PDE4D: variants seen among roughly 807,000 people sequenced by gnomAD.
PDE4D encodes the protein phosphodiesterase 4D, also known as 3',5'-cyclic-AMP phosphodiesterase 4D.
In PDE4D, 24 loss-of-function variants were observed where a neutral mutation model predicts 87.4. The observed-to-expected ratio is 0.27, with a 90% CI of 0.20 to 0.39. The LOEUF (loss-of-function observed/expected upper bound fraction) is 0.39, where lower values mean the gene tolerates loss of function less well. PDE4D is among the 10% of genes least tolerant of loss of function. PDE4D has a pLI of 1.00. For synonymous variants in PDE4D, 384 were observed against 383.2 expected (o/e 1.00, Z -0.02); for missense variants, 714 against 1,041.0 (o/e 0.69, Z 4.32).
chr5:60,242,754 G>A (rs954050312), intron 1 of PDE4D, among the ~76,000 whole-genome samples: 1 of 152,036 alleles, frequency 6.6e-6, no homozygotes, highest in Admixed American at 6.6e-5. Flanking sequence ...AAGAAATTAA[G>A]AGGGAAATTA....
chr5:59,801,512 A>T (rs1767124367), intron 1 of PDE4D, among the ~76,000 whole-genome samples: 1 of 152,174 alleles, frequency 6.6e-6, no homozygotes, highest in Admixed American at 6.5e-5. Context: ...AGATTAGTGA[A>T]GTTAGAAACA....
intron 5 of PDE4D, among the ~76,000 whole-genome samples, chr5:59,127,600 T>TCCCCCCCCCCCCCCCCCCCCCCC (rs1170462233): frequency 9.3e-5 from 9 of 96,998 alleles, no homozygotes; most frequent in Admixed American, 2.1e-4. Flanking sequence ...CTTCTTTCCC[T>TCCCCCCCCCCCCCCCCCCCCCCC]CCCCACCCCC....
intron 1 of PDE4D, among the ~76,000 whole-genome samples, chr5:59,403,187 A>AGATT (rs771463744): frequency 4.0e-5 from 6 of 150,756 alleles, no homozygotes; most frequent in African/African-American, 1.5e-4. Context: ...ATAGATAGAT[A>AGATT]GATTGATTGA....
chr5:59,697,253 T>C (rs1469862860), intron 1 of PDE4D, among the ~76,000 whole-genome samples: 1 of 152,192 alleles, frequency 6.6e-6, no homozygotes, highest in Non-Finnish European at 1.5e-5. Context: ...AGATAGTCCC[T>C]GAATTTATGT....
intron 1 of PDE4D, among the ~76,000 whole-genome samples, chr5:59,680,885 T>C (rs1427067529): frequency 6.6e-6 from 1 of 152,150 alleles, no homozygotes; most frequent in Non-Finnish European, 1.5e-5. Context: ...TGATGGATTA[T>C]CATTGTGAAA....
chr5:60,124,086 A>G (rs185206093), intron 2 of PDE4D, among the ~76,000 whole-genome samples: 213 of 152,310 alleles, frequency 1.4e-3, no homozygotes, highest in African/African-American at 4.4e-3. Flanking sequence ...ATGGGGTCTT[A>G]TATAAAGAAA....
chr5:59,192,894 C>A (rs535261080), intron 3 of PDE4D, among the ~76,000 whole-genome samples: 1 of 152,330 alleles, frequency 6.6e-6, no homozygotes, highest in South Asian at 2.1e-4. Context: ...CTAGGTTAAT[C>A]TAACGTGCAG....
chr5:59,728,126 T>G (rs1354407985), intron 1 of PDE4D, among the ~76,000 whole-genome samples: 2 of 152,104 alleles, frequency 1.3e-5, no homozygotes, highest in African/African-American at 4.8e-5. Flanking sequence ...TATCCCCATT[T>G]GATAGATGAG....
At chr5:59,481,051 G>A (rs534474830) in intron 1 of PDE4D, among the ~76,000 whole-genome samples, 1 of 152,190 alleles carries the variant, frequency 6.6e-6, no homozygotes, top group South Asian at 2.1e-4. Context: ...TCCTAACAAG[G>A]CCAAGGACAA....
chr5:59,101,709 CTTT>C (rs34308828), intron 5 of PDE4D, among the ~76,000 whole-genome samples: 1 of 145,406 alleles, frequency 6.9e-6, no homozygotes. Context: ...TAATAATCAA[CTTT>C]TTTTTTTTTT....
chr5:60,280,832 C>T (rs1407327040), intron 1 of PDE4D, among the ~76,000 whole-genome samples: 1 of 152,134 alleles, frequency 6.6e-6, no homozygotes, highest in African/African-American at 2.4e-5. Context: ...TATTAACTTA[C>T]TAATTAAAAA....
chr5:59,945,616 C>T (rs1349263608), intron 3 of PDE4D, among the ~76,000 whole-genome samples: 4 of 152,188 alleles, frequency 2.6e-5, no homozygotes, highest in African/African-American at 9.7e-5. Flanking sequence ...TATTGCTTTA[C>T]TCAATTGTTG....
chr5:59,179,441 G>T (rs1039314239), intron 5 of PDE4D, among the ~76,000 whole-genome samples: 12 of 152,132 alleles, frequency 7.9e-5, no homozygotes. Context: ...AACAAAACTG[G>T]TTAACCATAT....
chr5:59,358,107 G>C (rs1781669377), intron 1 of PDE4D, among the ~76,000 whole-genome samples: 1 of 152,150 alleles, frequency 6.6e-6, no homozygotes, highest in Admixed American at 6.5e-5. Context: ...TTCAATAAAA[G>C]CTCAAGACAT....
intron 3 of PDE4D, among the ~76,000 whole-genome samples, chr5:59,941,529 C>G (rs12651852): frequency 6.6e-6 from 1 of 152,088 alleles, no homozygotes; most frequent in Non-Finnish European, 1.5e-5. Context: ...TGAGCGCACT[C>G]TAAGGCTTGA....
chr5:59,816,240 C>T (rs1003831369), intron 1 of PDE4D, among the ~76,000 whole-genome samples: 3 of 152,206 alleles, frequency 2.0e-5, no homozygotes, highest in Non-Finnish European at 4.4e-5. Context: ...TTCAGGTGGA[C>T]TCCTTAATAA....
At chr5:59,606,810 T>C (rs540325308) in intron 1 of PDE4D, among the ~76,000 whole-genome samples, 1 of 152,272 alleles carries the variant, frequency 6.6e-6, no homozygotes, top group Admixed American at 6.5e-5. Context: ...AAGCACAGAA[T>C]AGTTAAGCAA....
intron 1 of PDE4D, among the ~76,000 whole-genome samples, chr5:59,668,185 T>C (rs1272381616): frequency 6.6e-6 from 1 of 152,216 alleles, no homozygotes; most frequent in South Asian, 2.1e-4. Flanking sequence ...GAGAAGAGGA[T>C]AATACTTTCC....
At chr5:59,132,448 T>G (rs1051840238) in intron 5 of PDE4D, among the ~76,000 whole-genome samples, 2 of 152,162 alleles carry the variant, frequency 1.3e-5, no homozygotes, top group Non-Finnish European at 2.9e-5. Flanking sequence ...CTAAATAACT[T>G]TTACGTGATT....
Sources: gnomAD v4.1 joint callset for allele counts (sites outside exome capture counted in the v4.1 genomes callset) on GRCh38, gnomAD v4.1.1 for gene constraint, MANE v1.5 for transcripts, NCBI Gene and HGNC (gene_info 2026-07-23, HGNC 2026-07-21) for gene names.